Variants in SLC4A5 observed in about 807,000 individuals in gnomAD.
SLC4A5 encodes solute carrier family 4 member 5.
A neutral mutation model predicts 120.4 loss-of-function variants in SLC4A5; 96 were observed. That is an observed-to-expected ratio of 0.80 (90% confidence interval 0.68 to 0.94). The LOEUF (loss-of-function observed/expected upper bound fraction) is 0.94. SLC4A5 is among the 40% of genes least tolerant of loss of function. SLC4A5 has a pLI of 0.00. For synonymous variants in SLC4A5, 550 were observed against 571.1 expected (o/e 0.96, Z 0.53); for missense variants, 1,259 against 1,459.5 (o/e 0.86, Z 2.24).
At chr2:74,334,366 T>G (rs1424267234) in intron 3 of SLC4A5, among the ~76,000 whole-genome samples, 189 bp from the exon 4 acceptor site, 1 of 152,158 alleles carries the variant, frequency 6.6e-6, no homozygotes, top group African/African-American at 2.4e-5. Context: ...GCTGTTCCTC[T>G]AACACCCCAG....
At chr2:74,286,333 A>G (rs1671981532) in intron 7 of SLC4A5, among the ~76,000 whole-genome samples, 1 of 152,196 alleles carries the variant, frequency 6.6e-6, no homozygotes. Flanking sequence ...GCAAAAGGAC[A>G]GCTTGCACAC....
intron 8 of SLC4A5, among the ~76,000 whole-genome samples, chr2:74,278,940 C>T (rs894679211): frequency 2.0e-5 from 3 of 152,212 alleles, no homozygotes; most frequent in African/African-American, 7.2e-5. Context: ...GTCGCTTTTC[C>T]ACCCCACCTG....
Position 74,253,068 on chromosome 2 carries a change from C to A in SLC4A5, c.1174G>T (p.Glu392Ter). Residue 392 changes from glutamate to a stop codon, truncating the protein, a stop_gained, in exon 15 of 31, where the codon GAA becomes TAA. Coordinates refer to ENST00000394019, the Ensembl canonical transcript of SLC4A5. LOFTEE classifies it high-confidence loss of function. ...AGGACGATGACCTCATCCAGAAATT[C>A]ATCAATTCCTGCGATCAGATCTTCC... is the stretch of plus-strand genomic sequence containing the variant. 1 of 1,614,142 alleles carries A rather than the reference C, an allele frequency of 6.2e-7. No homozygotes were observed. Among genetic ancestry groups the A allele is most frequent in the Non-Finnish European group, 8.5e-7 (1 of 1,180,020 alleles).
In SLC4A5 at chr2:74,250,055, C is replaced by T. The variant is rs142422626; in HGVS notation, c.1653+288G>A. ...ATTGTGCTGATTAAATTCACTCCAG[C>T]ATCAGTGGGAAAAGTACCAAATAAC... On this transcript the variant is annotated intron_variant, in intron 17 of 30. Transcript: ENST00000394019. 1.7e-3 allele frequency among the ~76,000 whole-genome samples: 255 copies of T among 152,344 alleles called. 3 individuals are homozygous for T. The highest frequency in any genetic ancestry group is 5.7e-3 in the African/African-American group (239 of 41,572).
At chr2:74,295,421 G>C (rs756123549) in intron 7 of SLC4A5, among the ~76,000 whole-genome samples, 2 of 152,230 alleles carry the variant, frequency 1.3e-5, no homozygotes, top group East Asian at 3.9e-4. Flanking sequence ...ATCATTTGAG[G>C]TCAGGAGTTC....
intron 8 of SLC4A5, among the ~76,000 whole-genome samples, chr2:74,272,817 T>C (rs1671518208): frequency 1.3e-5 from 2 of 152,212 alleles, no homozygotes; most frequent in Non-Finnish European, 2.9e-5. Context: ...GGAGAAAGCA[T>C]CATGGCGCTA....
At position 74,273,943 on chromosome 2, in the gene SLC4A5, C is replaced by A. The variant is rs573311870; in HGVS notation, c.402-8679G>T. ...CTTTGGGAGGCCAAGGCAGGCAGAT[C>A]CCTTGAGGTCAGGAGTTTTGAGACC... On this transcript the variant is annotated intron_variant, in intron 8 of 30. Transcript: ENST00000394019. Among the ~76,000 whole-genome samples, 3 of 152,334 alleles carry A rather than the reference C, an allele frequency of 2.0e-5. No individual in the cohort carries two copies. The South Asian group carries it at 6.2e-4, about 32-fold the overall frequency.
At chr2:74,299,955 A>G (rs570363248) in intron 7 of SLC4A5, among the ~76,000 whole-genome samples, 2 of 152,378 alleles carry the variant, frequency 1.3e-5, no homozygotes, top group African/African-American at 4.8e-5. Context: ...TAGCCAAAAC[A>G]GAAACAACCT....
chr2:74,296,203 G>T (rs1317669532), intron 7 of SLC4A5, among the ~76,000 whole-genome samples: 1 of 152,016 alleles, frequency 6.6e-6, no homozygotes, highest in Non-Finnish European at 1.5e-5. Context: ...AAAATTCGGG[G>T]CGATCTTGGT....
chr2:74,262,646 C>T (rs1196701078), intron 10 of SLC4A5, among the ~76,000 whole-genome samples: 2 of 151,284 alleles, frequency 1.3e-5, no homozygotes, highest in African/African-American at 4.9e-5. Context: ...TTGCAGTGAG[C>T]TGAGATCGCG....
chr2:74,232,439 G>A (rs1670121688), intron 24 of SLC4A5, 30 bp downstream of exon 24: 1 of 1,600,112 alleles, frequency 6.2e-7, no homozygotes, highest in African/African-American at 1.4e-5. Flanking sequence ...CCTCCCCATT[G>A]GGTGATCCCT....
intron 6 of SLC4A5, among the ~76,000 whole-genome samples, chr2:74,308,731 G>C (rs146142232): frequency 6.8e-6 from 1 of 145,996 alleles, no homozygotes; most frequent in African/African-American, 2.7e-5. Flanking sequence ...ACAGAGTCCA[G>C]CTTATCATTT....
chr2:74,338,575 T>C (rs948748469), intron 3 of SLC4A5, among the ~76,000 whole-genome samples: 1 of 152,010 alleles, frequency 6.6e-6, no homozygotes, highest in Non-Finnish European at 1.5e-5. Flanking sequence ...TCCCAGCACT[T>C]TGGGAGGCTG....
chr2:74,288,468 T>C (rs768934329), intron 7 of SLC4A5, among the ~76,000 whole-genome samples: 7 of 152,194 alleles, frequency 4.6e-5, no homozygotes, highest in Non-Finnish European at 1.0e-4. Flanking sequence ...ACTTCAGAGG[T>C]GATCATCGCC....
intron 6 of SLC4A5, among the ~76,000 whole-genome samples, chr2:74,308,951 G>C (rs1360485746): frequency 6.6e-6 from 1 of 150,486 alleles, no homozygotes; most frequent in Non-Finnish European, 1.5e-5. Context: ...GTCTTACTCT[G>C]TCATCCAGAC....
rs1215827257 is a variant in SLC4A5 at position 74,312,261 on chromosome 2, GTGTGTGTGTGTA to G, written c.79+2672_79+2683del. 1.8e-4 allele frequency among the ~76,000 whole-genome samples: 27 copies of G among 151,968 alleles called. No homozygotes were observed. In the East Asian group the frequency reaches 5.2e-3, roughly 29 times the overall value. The stretch of plus-strand genomic sequence containing the variant: ...TGTGTATATGTGTGTGTGTGTGTGT[GTGTGTGTGTGTA>G]TATGCATTTTTTTTGAGACAGAGTC... On this transcript the variant is annotated intron_variant, in intron 6 of 30. Coordinates refer to ENST00000394019, the Ensembl canonical transcript of SLC4A5.
Position 74,304,586 on chromosome 2 carries a change from G to C in SLC4A5, c.174C>G (p.His58Gln), listed in dbSNP as rs1672579111. The C allele has an allele frequency of 2.5e-6, 4 of 1,614,064 alleles. No homozygotes were observed. The highest frequency in any genetic ancestry group is 1.3e-5 in the African/African-American group (1 of 74,930). The change falls in exon 7 of 31, where the codon CAC becomes CAG. Residue 58 changes from histidine to glutamine, a missense_variant. His to Gln is a conservative substitution (Grantham distance 24, BLOSUM62 0). Coordinates refer to ENST00000394019, the Ensembl canonical transcript of SLC4A5. ...GTGGCTGGTCTGGCCGCAGGCCCCA[G>C]TGGACTTTTTGCAGGCCTGAAAGAT...
rs546285942 is a variant in SLC4A5, at chr2:74,218,460, A to C, written c.*366T>G. 6.6e-5 allele frequency: 10 copies of C among 152,310 alleles called. No individual in the cohort carries two copies. The East Asian group carries it at 1.9e-3, about 29-fold the overall frequency. The allele number at this position is 152,310 out of a possible 1,614,324, so 9.4% of individuals were successfully genotyped here. The stretch of plus-strand genomic sequence containing the variant: ...GTATTTTAATTACTACAAAGGGGAG[A>C]GCTTTGCATCTAAGCAATACTTTTC... On this transcript the variant is annotated 3_prime_UTR_variant, in exon 31 of 31. Transcript: ENST00000394019.
chr2:74,341,283 C>G (rs1244602753), intron 2 of SLC4A5, among the ~76,000 whole-genome samples: 2 of 131,400 alleles, frequency 1.5e-5, no homozygotes, highest in Non-Finnish European at 3.1e-5. Flanking sequence ...TCCAGCCTAG[C>G]GACAGAGCGA....
Sources: gnomAD v4.1 joint callset for allele counts (sites outside exome capture counted in the v4.1 genomes callset) on GRCh38, gnomAD v4.1.1 for gene constraint, MANE v1.5 for transcripts, NCBI Gene and HGNC (gene_info 2026-07-23, HGNC 2026-07-21) for gene names.